Variants in MLLT10 observed in about 807,000 individuals in gnomAD.
MLLT10 encodes protein AF-10.
A neutral mutation model predicts 129.1 loss-of-function variants in MLLT10; 30 were observed. The ratio of observed to expected loss-of-function variants is 0.23; its 90% CI spans 0.17 to 0.32. MLLT10 has a LOEUF of 0.32. MLLT10 is among the 10% of genes least tolerant of loss of function. The pLI, the probability that MLLT10 is intolerant of heterozygous loss-of-function variation, is 1.00. For missense variants in MLLT10, 1,119 were observed against 1,268.3 expected (o/e 0.88, Z 1.79); for synonymous variants, 490 against 446.4 (o/e 1.10, Z -1.23).
intron 13 of MLLT10, among the ~76,000 whole-genome samples, chr10:21,703,177 G>C (rs1425328342): frequency 2.0e-5 from 3 of 152,158 alleles, no homozygotes; most frequent in Non-Finnish European, 4.4e-5. Context: ...TTTCGTGTAG[G>C]GTGGTCTAAT....
intron 8 of MLLT10, among the ~76,000 whole-genome samples, chr10:21,624,421 G>A (rs918754075): frequency 1.4e-5 from 2 of 145,904 alleles, no homozygotes; most frequent in Non-Finnish European, 3.0e-5. Flanking sequence ...ATGAAAAGAG[G>A]AAAAATAAAA....
intron 14 of MLLT10, among the ~76,000 whole-genome samples, chr10:21,723,605 TCA>T (rs968958407): frequency 6.6e-6 from 1 of 152,190 alleles, no homozygotes; most frequent in African/African-American, 2.4e-5. Flanking sequence ...AATGCTATCC[TCA>T]GTGTCTTCTT....
chr10:21,651,317 G>C (rs1396570907), intron 8 of MLLT10, among the ~76,000 whole-genome samples: 1 of 152,042 alleles, frequency 6.6e-6, no homozygotes, highest in Admixed American at 6.5e-5. Context: ...TGATCCGCCC[G>C]CTTCAGCTTC....
chr10:21,589,922 C>T (rs1050945323), intron 4 of MLLT10, among the ~76,000 whole-genome samples: 1 of 147,286 alleles, frequency 6.8e-6, no homozygotes, highest in African/African-American at 2.4e-5. Flanking sequence ...TTCCCCTTCC[C>T]CTTTGTCTGT....
chr10:21,682,534 G>A (rs1164947146), intron 13 of MLLT10, among the ~76,000 whole-genome samples: 1 of 152,116 alleles, frequency 6.6e-6, no homozygotes, highest in Non-Finnish European at 1.5e-5. Flanking sequence ...TTTACAAATG[G>A]TTTTTCTAGT....
chr10:21,698,846 G>A (rs1402907586), intron 13 of MLLT10, among the ~76,000 whole-genome samples: 1 of 151,982 alleles, frequency 6.6e-6, no homozygotes, highest in Non-Finnish European at 1.5e-5. Flanking sequence ...ATTTTTTCAT[G>A]TATATATTGT....
chr10:21,622,021 CTG>C (rs2045911610), intron 8 of MLLT10, among the ~76,000 whole-genome samples: 1 of 151,986 alleles, frequency 6.6e-6, no homozygotes, highest in East Asian at 1.9e-4. Flanking sequence ...CAGAGAAGCT[CTG>C]TGTGATTCAA....
chr10:21,574,860 C>T lies in MLLT10; in HGVS notation c.241-11434C>T, dbSNP rs150436429. Among the ~76,000 whole-genome samples, 598 of 152,108 alleles carry T rather than the reference C, an allele frequency of 3.9e-3. 3 individuals are homozygous for T. Among genetic ancestry groups the T allele is most frequent in the African/African-American group, 0.014 (568 of 41,464 alleles). ...CATCTTGGCTTTGGTGGGTTTTGGC[C>T]CCCTTCTTTATTACAACCTGTTTTA... On this transcript the variant is annotated intron_variant, in intron 3 of 22. Coordinates refer to ENST00000307729, the MANE Select transcript of MLLT10 (RefSeq NM_001195626.3).
intron 8 of MLLT10, among the ~76,000 whole-genome samples, chr10:21,640,378 A>G (rs1454489839): frequency 6.7e-6 from 1 of 149,160 alleles, no homozygotes; most frequent in East Asian, 1.9e-4. Flanking sequence ...GTGTATATAT[A>G]TGTATATATC....
rs191990361 is a variant in MLLT10 at position 21,574,284 on chromosome 10, A to G, written c.241-12010A>G. Among the ~76,000 whole-genome samples, 10 of 152,278 alleles carry G rather than the reference A, an allele frequency of 6.6e-5. No homozygotes were observed. In the East Asian group the frequency reaches 1.5e-3, roughly 23 times the overall value. ...ATTAATAATAATCTTTGGCCTTCTTAATATCTTTGGGATTGTAGAGGTAAT... is the reference window on the plus strand; with the variant it reads ...ATTAATAATAATCTTTGGCCTTCTTGATATCTTTGGGATTGTAGAGGTAAT... On this transcript the variant is annotated intron_variant, in intron 3 of 22. Transcript: ENST00000307729.
intron 13 of MLLT10, among the ~76,000 whole-genome samples, chr10:21,696,670 G>A (rs911955431): frequency 2.0e-5 from 3 of 151,992 alleles, no homozygotes; most frequent in African/African-American, 7.3e-5. Context: ...CCAACTCTTT[G>A]ACAATTTCTT....
At chr10:21,631,321 A>G (rs2131266491) in intron 8 of MLLT10, among the ~76,000 whole-genome samples, 1 of 151,136 alleles carries the variant, frequency 6.6e-6, no homozygotes, top group South Asian at 2.1e-4. Flanking sequence ...CTCAAAAAAA[A>G]AAAAAAAAAA....
chr10:21,620,753 C>T (rs1234418269), intron 8 of MLLT10, among the ~76,000 whole-genome samples: 4 of 151,952 alleles, frequency 2.6e-5, no homozygotes, highest in Admixed American at 6.6e-5. Context: ...TGCAGTGGCT[C>T]GATCTTGGCT....
At chr10:21,695,091 CAG>C (rs2054234591) in intron 13 of MLLT10, among the ~76,000 whole-genome samples, 1 of 124,122 alleles carries the variant, frequency 8.1e-6, no homozygotes, top group South Asian at 2.6e-4. Context: ...TGTTTGGAGA[CAG>C]AGTCTTCCTC....
chr10:21,606,283 C>G (rs2044058470), intron 5 of MLLT10, among the ~76,000 whole-genome samples: 1 of 152,180 alleles, frequency 6.6e-6, no homozygotes, highest in Non-Finnish European at 1.5e-5. Flanking sequence ...CCTAAGAGCT[C>G]TGTTGAAGAT....
chr10:21,616,041 C>G (rs557314331), intron 7 of MLLT10, among the ~76,000 whole-genome samples: 45 of 152,056 alleles, frequency 3.0e-4, no homozygotes, highest in Middle Eastern at 3.4e-3. Flanking sequence ...ACAAGGGGCC[C>G]CTGTTTTATG....
intron 3 of MLLT10, among the ~76,000 whole-genome samples, chr10:21,555,620 T>A (rs569926569): frequency 1.1e-4 from 17 of 152,262 alleles, no homozygotes; most frequent in Non-Finnish European, 2.2e-4. Context: ...TCTTTCGTGT[T>A]AGTGACTTTA....
At chr10:21,735,270 G>A in intron 21 of MLLT10, 35 bp downstream of exon 21, 2 of 1,453,338 alleles carry the variant, frequency 1.4e-6, no homozygotes, top group Non-Finnish European at 1.9e-6. Context: ...CTTATTAGGA[G>A]CATGTGTTCT....
At chr10:21,715,177 G>A (rs141409053) in intron 14 of MLLT10, among the ~76,000 whole-genome samples, 30 of 152,224 alleles carry the variant, frequency 2.0e-4, no homozygotes, top group African/African-American at 6.3e-4. Flanking sequence ...ATATATATAC[G>A]CTTTTCCGGC....
Sources: gnomAD v4.1 joint callset for allele counts (sites outside exome capture counted in the v4.1 genomes callset) on GRCh38, gnomAD v4.1.1 for gene constraint, MANE v1.5 for transcripts, NCBI Gene and HGNC (gene_info 2026-07-23, HGNC 2026-07-21) for gene names.